NID1: variants seen among roughly 807,000 people sequenced by gnomAD.
NID1 encodes the protein nidogen 1.
Under a neutral mutation model 130.6 loss-of-function variants are expected in NID1, and 76 were observed. That is an observed-to-expected ratio of 0.58 (90% confidence interval 0.48 to 0.70). The LOEUF is 0.70. Among genes scored for constraint, NID1 ranks in the 30% least tolerant of loss-of-function variants. NID1 has a pLI of 0.00. For missense variants in NID1, 1,517 were observed against 1,664.8 expected (o/e 0.91, Z 1.54); for synonymous variants, 665 against 675.1 (o/e 0.98, Z 0.23).
intron 5 of NID1, among the ~76,000 whole-genome samples, chr1:236,037,233 G>T (rs902104902): frequency 3.9e-5 from 6 of 152,210 alleles, no homozygotes; most frequent in Non-Finnish European, 5.9e-5. Flanking sequence ...ATGCTCAACT[G>T]TAACCACGCT....
At chr1:236,034,713 A>C (rs1324469946) in intron 5 of NID1, among the ~76,000 whole-genome samples, 1 of 152,180 alleles carries the variant, frequency 6.6e-6, no homozygotes, top group African/African-American at 2.4e-5. Context: ...CTAGAATTAG[A>C]TAGAGGTAAT....
At chr1:236,032,722 T>C in intron 5 of NID1, 70 bp from the exon 6 acceptor site, 1 of 1,576,092 alleles carries the variant, frequency 6.3e-7, no homozygotes, top group African/African-American at 1.3e-5. Context: ...GAGTAATATG[T>C]AGGACCTGTA....
intron 12 of NID1, among the ~76,000 whole-genome samples, chr1:236,010,351 A>C (rs12093904): frequency 0.36 from 49,707 of 139,982 alleles, 12,529 homozygotes; most frequent in East Asian, 0.7. Flanking sequence ...GTCACCCAGG[A>C]TGGGGTGTAG....
rs141204959 is a variant in NID1 at position 236,017,204 on chromosome 1, G to A, written c.2198C>T (p.Thr733Ile). The change falls in exon 10 of 20, where the codon ACC becomes ATC. Residue 733 changes from threonine to isoleucine, a missense_variant. Coordinates refer to ENST00000264187, the MANE Select transcript of NID1 (RefSeq NM_002508.3). ...SHTICNNHPG[T>I]FRCECVEGYQ... ...GCCCTCCACACACTCGCAGCGGAAG[G>A]TTCCTGGGTGATTATTGCAGATTGT... The A allele has an allele frequency of 1.5e-5, 24 of 1,614,018 alleles. No homozygotes were observed. Among genetic ancestry groups the A allele is most frequent in the East Asian group, 2.2e-5 (1 of 44,886 alleles).
In NID1 at chr1:236,048,664, G is replaced by A. The variant is rs369422307; in HGVS notation, c.525+26C>T. The A allele has an allele frequency of 1.8e-5, 29 of 1,600,300 alleles. No individual in the cohort carries two copies. The African/African-American group carries it at 3.2e-4, about 18-fold the overall frequency. ...ATGAAGCCAATGTGTCTGATTACCT[G>A]CACTTGGACCTGGAGGGGAGCTTAC... is the stretch of plus-strand genomic sequence containing the variant. On this transcript the variant is annotated intron_variant, in intron 2 of 19. Coordinates refer to ENST00000264187, the MANE Select transcript of NID1 (RefSeq NM_002508.3).
At chr1:236,017,409 G>A in intron 9 of NID1, 136 bp from the exon 10 acceptor site, 1 of 953,882 alleles carries the variant, frequency 1.0e-6, no homozygotes. Flanking sequence ...TTCCGAGATG[G>A]AGTCTTGCTC....
At position 236,024,233 on chromosome 1, in the gene NID1, G is replaced by A. The variant is rs1658858943; in HGVS notation, c.1985-20C>T. 3.7e-6 allele frequency: 6 copies of A among 1,613,370 alleles called. No homozygotes were observed. The highest frequency in any genetic ancestry group is 5.1e-6 in the Non-Finnish European group (6 of 1,179,666). On this transcript the variant is annotated intron_variant, in intron 8 of 19. Transcript: ENST00000264187. The stretch of plus-strand genomic sequence containing the variant: ...AGCCTTCTGTGAAGACAGAGACATT[G>A]GAACCAAGTGAGTCTTCAGGAGCTC...
chr1:235,980,009 A>C, intron 17 of NID1, 64 bp from the exon 18 acceptor site: 2 of 1,584,020 alleles, frequency 1.3e-6, no homozygotes, highest in Admixed American at 1.7e-5. Flanking sequence ...GTGCAAAAAA[A>C]ACAAGAGTAA....
At position 235,979,695 on chromosome 1, in the gene NID1, C is replaced by A; in HGVS notation, c.3509+127G>T. Reference sequence around the variant, plus strand: ...CAGAAGGATAAGGGAGAGGGGACATCTCTAGAGGGGGCATTTCTGGAGGCT... The same window carrying A: ...CAGAAGGATAAGGGAGAGGGGACATATCTAGAGGGGGCATTTCTGGAGGCT... On this transcript the variant is annotated intron_variant, in intron 18 of 19. Coordinates refer to ENST00000264187, the MANE Select transcript of NID1 (RefSeq NM_002508.3). This position sits in a 1 kb window ranked among gnomAD's most constrained non-coding sequence, Gnocchi z 4.6. The A allele has an allele frequency of 9.9e-7, 1 of 1,007,110 alleles. No homozygotes were observed. Among genetic ancestry groups the A allele is most frequent in the Non-Finnish European group, 1.5e-6 (1 of 672,042 alleles). 62.4% of individuals were successfully genotyped at this position (1,007,110 alleles called of 1,614,324 possible). A position where few individuals can be genotyped will look rare whatever the true frequency, so the allele number is the denominator to read the frequency against.
At chr1:235,989,138 C>A (rs1026726901) in intron 14 of NID1, among the ~76,000 whole-genome samples, 1 of 147,210 alleles carries the variant, frequency 6.8e-6, no homozygotes, top group Non-Finnish European at 1.5e-5. Context: ...CTCACTGCAA[C>A]CTCTGCCTCC....
intron 1 of NID1, among the ~76,000 whole-genome samples, chr1:236,061,491 C>G (rs945281330): frequency 7.2e-5 from 11 of 152,120 alleles, no homozygotes; most frequent in Middle Eastern, 6.8e-3. Context: ...GACAAAGTCT[C>G]AGTCTCACTC....
At chr1:235,990,384 C>T (rs1657697585) in intron 14 of NID1, among the ~76,000 whole-genome samples, 1 of 152,164 alleles carries the variant, frequency 6.6e-6, no homozygotes, top group African/African-American at 2.4e-5. Flanking sequence ...TCAGACCCTC[C>T]CCTCTCCTTC....
At chr1:235,987,825 A>G (rs1170767048) in intron 14 of NID1, among the ~76,000 whole-genome samples, 1 of 152,162 alleles carries the variant, frequency 6.6e-6, no homozygotes, top group Non-Finnish European at 1.5e-5. Flanking sequence ...ATGAGCACAT[A>G]CTTCCTCCTC....
intron 12 of NID1, among the ~76,000 whole-genome samples, chr1:236,002,765 C>T (rs1055824461): frequency 2.6e-5 from 4 of 152,080 alleles, no homozygotes; most frequent in African/African-American, 9.7e-5. Context: ...GCGATCACTC[C>T]GCGGATTTGG....
At chr1:236,000,048 T>A (rs955492080) in intron 12 of NID1, among the ~76,000 whole-genome samples, 71 of 152,166 alleles carry the variant, frequency 4.7e-4, no homozygotes, top group African/African-American at 1.6e-3. Context: ...ACCCCATCTC[T>A]ACTAAAAATA....
At chr1:236,063,457 G>C (rs1660097655) in intron 1 of NID1, among the ~76,000 whole-genome samples, 1 of 142,576 alleles carries the variant, frequency 7.0e-6, no homozygotes, top group African/African-American at 2.6e-5. Flanking sequence ...GGGGGATAGA[G>C]AGAGACTCTG....
chr1:236,035,063 T>C (rs1659214319), intron 5 of NID1, among the ~76,000 whole-genome samples: 1 of 145,092 alleles, frequency 6.9e-6, no homozygotes, highest in Non-Finnish European at 1.5e-5. Flanking sequence ...TACATATGTA[T>C]ACATGTGTCA....
At position 236,038,263 on chromosome 1, in the gene NID1, G is replaced by C; in HGVS notation, c.1136-10C>G. ...GTGTTATAGCTGAAAACTGGTCCAA[G>C]AAAACAATTGCACACCTGTAAGCAT... is the stretch of plus-strand genomic sequence containing the variant. On this transcript the variant is annotated splice_polypyrimidine_tract_variant and intron_variant, in intron 4 of 19. Transcript: ENST00000264187. 1.2e-6 allele frequency: 2 copies of C among 1,611,492 alleles called. No individual in the cohort carries two copies. The highest frequency in any genetic ancestry group is 1.7e-6 in the Non-Finnish European group (2 of 1,178,220).
chr1:236,017,256 C>G lies in NID1; in HGVS notation c.2146G>C (p.Glu716Gln), dbSNP rs780825383. The change falls in exon 10 of 20, where the codon GAA becomes CAA. Residue 716 changes from glutamate (E) to glutamine (Q), a missense_variant. Coordinates refer to ENST00000264187, the MANE Select transcript of NID1 (RefSeq NM_002508.3). The stretch of plus-strand genomic sequence containing the variant: ...TGGCTCCCACACACTGAGGGTTGTT[C>G]TGAACATTCATCAATATCTGCAGCA... ...RTCYDIDECS[E>Q]QPSVCGSHTI... 2 of 1,614,090 alleles carry G rather than the reference C, an allele frequency of 1.2e-6. No homozygotes were observed. The highest frequency in any genetic ancestry group is 1.7e-5 in the Admixed American group (1 of 59,992).
Sources: gnomAD v4.1 joint callset for allele counts (sites outside exome capture counted in the v4.1 genomes callset) on GRCh38, gnomAD v4.1.1 for gene constraint, Gnocchi (gnomAD v3.1) non-coding constraint, MANE v1.5 for transcripts, NCBI Gene and HGNC (gene_info 2026-07-23, HGNC 2026-07-21) for gene names.